Variants in PLCL1 observed in about 807,000 individuals in gnomAD.
PLCL1 encodes inactive phospholipase C-like protein 1.
A neutral mutation model predicts 84.4 loss-of-function variants in PLCL1; 41 were observed. The ratio of observed to expected loss-of-function variants is 0.49; its 90% CI spans 0.38 to 0.63. The LOEUF is 0.63. Among genes scored for constraint, PLCL1 ranks in the 30% least tolerant of loss-of-function variants. The probability of loss-of-function intolerance (pLI) is 0.00; values close to 1 mark genes in which losing one functional copy is unlikely to be tolerated. For synonymous variants in PLCL1, 490 were observed against 488.3 expected, an observed-to-expected ratio of 1.00 and a Z score of -0.05; for missense variants, 1,206 against 1,367.8, an observed-to-expected ratio of 0.88 and a Z score of 1.87.
At chr2:198,133,225 A>G (rs934003115) in intron 5 of PLCL1, among the ~76,000 whole-genome samples, 3 of 152,116 alleles carry the variant, frequency 2.0e-5, no homozygotes, top group African/African-American at 4.8e-5. Flanking sequence ...TATCCTTTGT[A>G]GGGACATGGA....
At chr2:198,040,902 G>A (rs1691645257) in intron 1 of PLCL1, among the ~76,000 whole-genome samples, 1 of 152,106 alleles carries the variant, frequency 6.6e-6, no homozygotes, top group African/African-American at 2.4e-5. Context: ...GAATAGAGAG[G>A]GACTGATTGT....
At chr2:197,832,413 C>T (rs533077108) in intron 1 of PLCL1, among the ~76,000 whole-genome samples, 4 of 152,132 alleles carry the variant, frequency 2.6e-5, no homozygotes, top group South Asian at 2.1e-4. Context: ...AGAAGAAATA[C>T]GTAAATTCCT....
At chr2:197,840,257 T>C (rs2105667814) in intron 1 of PLCL1, among the ~76,000 whole-genome samples, 1 of 152,258 alleles carries the variant, frequency 6.6e-6, no homozygotes, top group African/African-American at 2.4e-5. Context: ...CTATGGAAGC[T>C]CTTTTGCACC....
chr2:198,057,734 T>C (rs529482036), intron 1 of PLCL1, among the ~76,000 whole-genome samples: 1 of 152,298 alleles, frequency 6.6e-6, no homozygotes, highest in Admixed American at 6.5e-5. Context: ...TCCAAGTGCT[T>C]TACAAGGAAT....
intron 5 of PLCL1, among the ~76,000 whole-genome samples, chr2:198,136,486 G>C (rs1237506352): frequency 6.6e-6 from 1 of 152,072 alleles, no homozygotes; most frequent in Non-Finnish European, 1.5e-5. Context: ...ACGATTCAAA[G>C]TCTCTAGTCT....
chr2:198,133,481 C>G (rs1694178247), intron 5 of PLCL1, among the ~76,000 whole-genome samples: 1 of 143,302 alleles, frequency 7.0e-6, no homozygotes, highest in African/African-American at 2.6e-5. Flanking sequence ...ACATATGTAA[C>G]TAACCTGCAC....
intron 1 of PLCL1, among the ~76,000 whole-genome samples, chr2:197,821,327 G>T (rs1690810907): frequency 6.6e-6 from 1 of 152,286 alleles, no homozygotes; most frequent in South Asian, 2.1e-4. Context: ...AGCTTTTGAA[G>T]TGAAGAGGTC....
At position 198,019,017 on chromosome 2, in the gene PLCL1, G is replaced by A. The variant is rs183097756; in HGVS notation, c.241-64741G>A. ...CATCTGGCAGGTGCCCCTCTGGGAC[G>A]AAGCTTCCAGAGGAAGGAATACACA... On this transcript the variant is annotated intron_variant, in intron 1 of 5. Transcript: ENST00000428675. Among the ~76,000 whole-genome samples, 739 of 152,270 alleles carry A rather than the reference G, an allele frequency of 4.9e-3. 6 individuals carry two copies. Among genetic ancestry groups the A allele is most frequent in the African/African-American group, 0.017 (713 of 41,564 alleles).
intron 1 of PLCL1, among the ~76,000 whole-genome samples, chr2:197,990,108 C>T (rs77500451): frequency 0.012 from 1,854 of 152,158 alleles, 48 homozygotes; most frequent in African/African-American, 0.042. Context: ...GGGCGCTGCT[C>T]AATTACCTTA....
rs147765850 is a variant in PLCL1, at chr2:197,945,402, G to A, written c.241-138356G>A. On this transcript the variant is annotated intron_variant, in intron 1 of 5. Coordinates refer to ENST00000428675, the MANE Select transcript of PLCL1 (RefSeq NM_006226.4). ...GAGGTAGGTGAGGGTGGGGATGAGGGCATGCTTATTCAGTTTTCAGATTAG... is the reference window on the plus strand; with the variant it reads ...GAGGTAGGTGAGGGTGGGGATGAGGACATGCTTATTCAGTTTTCAGATTAG... Among the ~76,000 whole-genome samples, 21 of 152,222 alleles carry A rather than the reference G, an allele frequency of 1.4e-4. No homozygotes were observed. The South Asian group carries it at 4.1e-3, about 30-fold the overall frequency.
At chr2:198,099,079 C>A (rs1186053526) in intron 3 of PLCL1, among the ~76,000 whole-genome samples, 1 of 152,130 alleles carries the variant, frequency 6.6e-6, no homozygotes, top group Non-Finnish European at 1.5e-5. Flanking sequence ...ATTACTACAA[C>A]AGGCAAAGGC....
intron 1 of PLCL1, among the ~76,000 whole-genome samples, chr2:198,023,317 A>G (rs2105841722): frequency 6.6e-6 from 1 of 152,378 alleles, no homozygotes; most frequent in South Asian, 2.1e-4. Flanking sequence ...CCTAGGCAAT[A>G]CCATTCAGGA....
At chr2:198,142,006 T>C (rs1484002030) in intron 5 of PLCL1, among the ~76,000 whole-genome samples, 2 of 152,180 alleles carry the variant, frequency 1.3e-5, no homozygotes, top group African/African-American at 4.8e-5. Flanking sequence ...CTAGTTATGA[T>C]GTTCTCCTGC....
chr2:197,985,829 G>A (rs1422089325), intron 1 of PLCL1, among the ~76,000 whole-genome samples: 1 of 152,312 alleles, frequency 6.6e-6, no homozygotes, highest in Admixed American at 6.5e-5. Context: ...ATTATGAAGT[G>A]TTGTGGTTTG....
chr2:197,921,786 A>G (rs985082835), intron 1 of PLCL1, among the ~76,000 whole-genome samples: 1 of 152,142 alleles, frequency 6.6e-6, no homozygotes, highest in Admixed American at 6.5e-5. Context: ...ACTGAAATCC[A>G]GTTCACACTG....
intron 1 of PLCL1, among the ~76,000 whole-genome samples, chr2:197,828,446 A>T (rs1046288594): frequency 6.6e-6 from 1 of 152,124 alleles, no homozygotes; most frequent in Non-Finnish European, 1.5e-5. Context: ...GCTAATTCAT[A>T]TATCTATATT....
At chr2:197,844,819 A>G (rs1411413859) in intron 1 of PLCL1, among the ~76,000 whole-genome samples, 1 of 152,082 alleles carries the variant, frequency 6.6e-6, no homozygotes, top group Non-Finnish European at 1.5e-5. Flanking sequence ...CATATATGGC[A>G]TTTCTTGAAA....
chr2:198,135,002 C>G (rs749643393), intron 5 of PLCL1, among the ~76,000 whole-genome samples: 2 of 152,118 alleles, frequency 1.3e-5, no homozygotes, highest in Admixed American at 6.6e-5. Context: ...GAAACCTTAC[C>G]AACCAAATAC....
intron 1 of PLCL1, among the ~76,000 whole-genome samples, chr2:198,036,086 A>C (rs1691546193): frequency 6.6e-6 from 1 of 152,180 alleles, no homozygotes; most frequent in Non-Finnish European, 1.5e-5. Flanking sequence ...ATCATTTGTT[A>C]ACTACCATAG....
Sources: gnomAD v4.1 joint callset for allele counts (sites outside exome capture counted in the v4.1 genomes callset) on GRCh38, gnomAD v4.1.1 for gene constraint, MANE v1.5 for transcripts, NCBI Gene and HGNC (gene_info 2026-07-23, HGNC 2026-07-21) for gene names.